Variants in DAB2 observed in about 807,000 individuals in gnomAD.
DAB2 encodes DAB adaptor protein 2.
A neutral mutation model predicts 71.6 loss-of-function variants in DAB2; 28 were observed. That is an observed-to-expected ratio of 0.39 (90% CI 0.29 to 0.54). The LOEUF (loss-of-function observed/expected upper bound fraction) is 0.54, where lower values mean the gene tolerates loss of function less well. Among genes scored for constraint, DAB2 ranks in the 20% least tolerant of loss-of-function variants. The pLI is 0.68. For missense variants in DAB2, 867 were observed against 928.8 expected, an observed-to-expected ratio of 0.93 and a Z score of 0.86; for synonymous variants, 345 against 339.7, an observed-to-expected ratio of 1.02 and a Z score of -0.17.
chr5:39,394,026 C>G (rs528885665), intron 2 of DAB2, among the ~76,000 whole-genome samples: 1 of 152,122 alleles, frequency 6.6e-6, no homozygotes, highest in East Asian at 1.9e-4. Flanking sequence ...TGGGTATAAT[C>G]GCAGGTTTCC....
chr5:39,373,810 T>A (rs2112015666), intron 14 of DAB2, among the ~76,000 whole-genome samples: 2 of 152,296 alleles, frequency 1.3e-5, no homozygotes, highest in Middle Eastern at 6.8e-3. Context: ...TCCCCTTGAA[T>A]GGAAGGTGAG....
At chr5:39,389,181 T>C in intron 6 of DAB2, 58 bp from the exon 7 acceptor site, 1 of 1,380,706 alleles carries the variant, frequency 7.2e-7, no homozygotes. Context: ...GGGAGTTAAA[T>C]ACACAAACAA....
At chr5:39,411,958 A>G (rs1043772462) in intron 1 of DAB2, among the ~76,000 whole-genome samples, 3 of 152,168 alleles carry the variant, frequency 2.0e-5, no homozygotes, top group African/African-American at 7.2e-5. Flanking sequence ...AAGTTTGCAT[A>G]GTACCTCCAA....
chr5:39,422,488 G>T lies in DAB2; in HGVS notation c.-102+2316C>A, dbSNP rs553550067. Among the ~76,000 whole-genome samples, 1 of 152,166 alleles carries T rather than the reference G, an allele frequency of 6.6e-6. No homozygotes were observed. The highest frequency in any genetic ancestry group is 1.5e-5 in the Non-Finnish European group (1 of 68,036). ...TCAAAAGAATGAGGAAGAGAAACAC[G>T]CAGAGCCTTCAAAATTATCCAGATG... On this transcript the variant is annotated intron_variant, in intron 1 of 14. Coordinates refer to ENST00000320816, the MANE Select transcript of DAB2 (RefSeq NM_001343.4). This position sits in a 1 kb window ranked among gnomAD's most constrained non-coding sequence, Gnocchi z 4.1.
chr5:39,384,370 G>A (rs2112040873), intron 9 of DAB2, among the ~76,000 whole-genome samples: 1 of 152,292 alleles, frequency 6.6e-6, no homozygotes, highest in South Asian at 2.1e-4. Flanking sequence ...ATAACAATAT[G>A]CTGTAATAAA....
chr5:39,400,939 C>G (rs961152608), intron 1 of DAB2, among the ~76,000 whole-genome samples: 3 of 152,222 alleles, frequency 2.0e-5, no homozygotes, highest in African/African-American at 7.2e-5. Context: ...GAAATATTAA[C>G]CTCTAAGACA....
intron 1 of DAB2, among the ~76,000 whole-genome samples, chr5:39,401,558 C>G (rs1284342703): frequency 2.0e-5 from 3 of 152,032 alleles, no homozygotes; most frequent in Admixed American, 2.0e-4. Context: ...GACAATTTAT[C>G]TAATGTTCAT....
intron 1 of DAB2, among the ~76,000 whole-genome samples, chr5:39,398,194 G>C (rs554219363): frequency 6.6e-6 from 1 of 152,248 alleles, no homozygotes; most frequent in East Asian, 1.9e-4. Context: ...TTTGAGAAGT[G>C]CCACAAAGCA....
chr5:39,395,067 T>G (rs1755326577), intron 1 of DAB2, among the ~76,000 whole-genome samples: 1 of 152,182 alleles, frequency 6.6e-6, no homozygotes, highest in African/African-American at 2.4e-5. Context: ...TTTTATGCTA[T>G]TATTCAGCAT....
At chr5:39,408,969 G>C (rs984729059) in intron 1 of DAB2, 1 of 152,090 alleles carries the variant, frequency 6.6e-6, no homozygotes, top group African/African-American at 2.4e-5. Context: ...AGAAACCCCT[G>C]GGTAATTTTC....
In DAB2 at chr5:39,382,467, T is replaced by C. The variant is rs1488997864; in HGVS notation, c.1341+151A>G. 4 of 759,222 alleles carry C rather than the reference T, an allele frequency of 5.3e-6. No homozygotes were observed. In the East Asian group the frequency reaches 1.0e-4, roughly 19 times the overall value. The allele number at this position is 759,222 out of a possible 1,614,324, so 47.0% of individuals were successfully genotyped here. A position where few individuals can be genotyped will look rare whatever the true frequency, so the allele number is the denominator to read the frequency against. ...AAAAACGGTGGCAGTTAGAGGAAAG[T>C]ACTCCTGGAGAACCAAAGTGCCTTA... On this transcript the variant is annotated intron_variant, in intron 10 of 14. Transcript: ENST00000320816.
chr5:39,375,307 C>T (rs1754799365), intron 13 of DAB2, among the ~76,000 whole-genome samples: 1 of 152,010 alleles, frequency 6.6e-6, no homozygotes, highest in African/African-American at 2.4e-5. Flanking sequence ...ATTTGCCTCC[C>T]CGAAATGGGA....
In DAB2 at chr5:39,423,279, T is replaced by C. The variant is rs538752020; in HGVS notation, c.-102+1525A>G. On this transcript the variant is annotated intron_variant, in intron 1 of 14. Transcript: ENST00000320816. ...AAGTGGTCTGTCCCAGAAATCCACA[T>C]TGGCAAAGACCACTAGGTCTTCTTC... Among the ~76,000 whole-genome samples, 4 of 2,030 alleles carry C rather than the reference T, an allele frequency of 2.0e-3. No individual in the cohort carries two copies. The African/African-American group carries it at 0.025, about 13-fold the overall frequency. The allele number at this position is 2,030 out of a possible 152,430, so 1.3% of individuals were successfully genotyped here.
Position 39,388,288 on chromosome 5 carries a change from TA to T in DAB2, c.687+16del. ...ATGTCATTTTATTACATTGCAAATT[TA>T]AAAACAAACACTTACTGTTGGACTA... On this transcript the variant is annotated intron_variant, in intron 9 of 14. Coordinates refer to ENST00000320816, the MANE Select transcript of DAB2 (RefSeq NM_001343.4). The T allele has an allele frequency of 1.9e-6, 3 of 1,586,806 alleles. No individual in the cohort carries two copies. The highest frequency in any genetic ancestry group is 2.6e-6 in the Non-Finnish European group (3 of 1,162,602).
rs756729445 is a variant in DAB2, at chr5:39,390,550, T to C, written c.356A>G (p.Asn119Ser). 1 of 1,613,300 alleles carries C rather than the reference T, an allele frequency of 6.2e-7. No homozygotes were observed. The highest frequency in any genetic ancestry group is 1.1e-5 in the South Asian group (1 of 91,034). The change falls in exon 5 of 15, where the codon AAT becomes AGT. Residue 119 changes from asparagine (N) to serine (S), a missense_variant. Coordinates refer to ENST00000320816, the MANE Select transcript of DAB2 (RefSeq NM_001343.4). ...ATCACGGGCAATGAAAGAAATCTTA[T>C]TTACTGGATGTTCATGCTCTATTAC... ...TGVIEHEHPV[N>S]KISFIARDVT...
intron 9 of DAB2, chr5:39,385,135 T>G (rs1298867734): frequency 6.6e-6 from 1 of 152,110 alleles, no homozygotes; most frequent in Non-Finnish European, 1.5e-5. Flanking sequence ...AGCCAGGCTT[T>G]CTCTTTATAA....
At chr5:39,387,671 A>C (rs1249925301) in intron 9 of DAB2, 1 of 148,050 alleles carries the variant, frequency 6.8e-6, no homozygotes, top group Non-Finnish European at 1.5e-5. Context: ...TTGAATCTGG[A>C]CCTCTTTCCT....
chr5:39,423,467 AG>A (rs1368365265), intron 1 of DAB2, among the ~76,000 whole-genome samples: 1 of 152,162 alleles, frequency 6.6e-6, no homozygotes, highest in Non-Finnish European at 1.5e-5. Context: ...AGCCTCCCAA[AG>A]TCTGGCTGCT....
At chr5:39,391,995 G>T (rs1179611212) in intron 4 of DAB2, among the ~76,000 whole-genome samples, 5 of 145,566 alleles carry the variant, frequency 3.4e-5, no homozygotes, top group African/African-American at 5.0e-5. Context: ...TATATATATA[G>T]AAGTTTTACT....
Sources: allele counts gnomAD v4.1 joint callset (sites outside exome capture counted in the v4.1 genomes callset), GRCh38; gene constraint gnomAD v4.1.1; non-coding constraint Gnocchi (gnomAD v3.1); transcripts MANE v1.5; gene names NCBI Gene and HGNC (gene_info 2026-07-23, HGNC 2026-07-21).